Variants in KCNK6 observed in about 807,000 individuals in gnomAD.
KCNK6 encodes the protein potassium channel subfamily K member 6.
In KCNK6, 20 loss-of-function variants were observed where a neutral mutation model predicts 21.9. The observed-to-expected ratio is 0.91, with a 90% confidence interval of 0.64 to 1.32. KCNK6 has a LOEUF of 1.32. Ranked by LOEUF, KCNK6 falls within the 40% of genes most tolerant of loss-of-function variation. The pLI, the probability that KCNK6 is intolerant of heterozygous loss-of-function variation, is 0.00. For missense variants in KCNK6, 415 were observed against 433.1 expected (o/e 0.96, Z 0.37); for synonymous variants, 210 against 218.0 (o/e 0.96, Z 0.32).
chr19:38,323,249 C>T (rs1433996268), intron 1 of KCNK6, among the ~76,000 whole-genome samples: 3 of 152,198 alleles, frequency 2.0e-5, no homozygotes, highest in African/African-American at 7.2e-5. Flanking sequence ...AGGAGGGAGT[C>T]TTTGTCCGTG....
chr19:38,326,546 T>C, intron 1 of KCNK6, 47 bp from the exon 2 acceptor site: 2 of 1,540,286 alleles, frequency 1.3e-6, no homozygotes, highest in African/African-American at 1.4e-5. Flanking sequence ...GTGACCCCCA[T>C]CTCTAAAAAG....
chr19:38,326,779 G>A lies in KCNK6; in HGVS notation c.509G>A (p.Cys170Tyr), dbSNP rs778316484. Residue 170 changes from cysteine to tyrosine, a missense_variant, in exon 2 of 3, where the codon TGC becomes TAC. Cys to Tyr is a radical substitution (Grantham distance 194, BLOSUM62 -2). Transcript: ENST00000263372. ...GGCTGGGACCCCCGGCGGGCGGCCT[G>A]CTGGCACTTGGTGGCCCTGTTGGGG... ...RWGWDPRRAACWHLVALLGVV... is the reference protein window; with the variant it reads ...RWGWDPRRAAYWHLVALLGVV... The A allele has an allele frequency of 1.1e-5, 17 of 1,605,092 alleles. No homozygotes were observed. The East Asian group carries it at 3.3e-4, about 32-fold the overall frequency.
At chr19:38,325,596 T>TCTG (rs1177684133) in intron 1 of KCNK6, 1 of 950,556 alleles carries the variant, frequency 1.1e-6, no homozygotes, top group African/African-American at 1.8e-5. Flanking sequence ...TAGAGCATGC[T>TCTG]AGAAGGTGTT....
intron 1 of KCNK6, chr19:38,325,480 T>A: frequency 1.0e-6 from 1 of 985,412 alleles, no homozygotes; most frequent in African/African-American, 1.7e-5. Flanking sequence ...CCTGCACCCT[T>A]CATTCTTTGT....
rs1217258009 is a variant in KCNK6 at position 38,327,720 on chromosome 19, A to C, written c.*317A>C. ...TTCCCTCTTGCTGTCTCTGTTTCTC[A>C]TTCTCTTTCATGTTCCGTCTGTGTC... is the stretch of plus-strand genomic sequence containing the variant. On this transcript the variant is annotated 3_prime_UTR_variant, in exon 3 of 3. Coordinates refer to ENST00000263372, the MANE Select transcript of KCNK6 (RefSeq NM_004823.3). 1 of 396,136 alleles carries C rather than the reference A, an allele frequency of 2.5e-6. No individual in the cohort carries two copies. Among genetic ancestry groups the C allele is most frequent in the Non-Finnish European group, 4.7e-6 (1 of 213,308 alleles). 24.5% of individuals were successfully genotyped at this position (396,136 alleles called of 1,614,324 possible).
Position 38,326,959 on chromosome 19 carries a change from A to T in KCNK6, c.689A>T (p.Tyr230Phe). 3 of 1,605,426 alleles carry T rather than the reference A, an allele frequency of 1.9e-6. No homozygotes were observed. The highest frequency in any genetic ancestry group is 1.1e-5 in the South Asian group (1 of 91,038). The change falls in exon 2 of 3, where the codon TAC becomes TTC. Residue 230 changes from tyrosine (Y) to phenylalanine (F), a missense_variant. By Grantham distance (22) the Tyr-to-Phe change is conservative (BLOSUM62 3). Coordinates refer to ENST00000263372, the MANE Select transcript of KCNK6 (RefSeq NM_004823.3). ...YVPGEAPGQP[Y>F]RALYKVLVTV... ...CCCGGGGAGGCCCCTGGCCAGCCCT[A>T]CCGGGCCCTCTACAAGGTGCTGGTC...
intron 1 of KCNK6, among the ~76,000 whole-genome samples, chr19:38,326,251 C>A (rs1455675850): frequency 6.6e-6 from 1 of 152,026 alleles, no homozygotes; most frequent in African/African-American, 2.4e-5. Flanking sequence ...GTTGAGTGGG[C>A]AGGAGGGTTT....
At chr19:38,323,381 C>T (rs1256883961) in intron 1 of KCNK6, among the ~76,000 whole-genome samples, 2 of 152,220 alleles carry the variant, frequency 1.3e-5, no homozygotes, top group African/African-American at 4.8e-5. Flanking sequence ...GAGACCTCTT[C>T]CCACAATGCC....
Position 38,324,101 on chromosome 19 carries a change from A to T in KCNK6, c.323-2492A>T, listed in dbSNP as rs114057885. On this transcript the variant is annotated intron_variant, in intron 1 of 2. Coordinates refer to ENST00000263372, the MANE Select transcript of KCNK6 (RefSeq NM_004823.3). ...TATAAAGATCTCTTTTATTATTATT[A>T]TTTTTTTTTACAGAGATAGGGTCTT... Among the ~76,000 whole-genome samples, 476 of 149,318 alleles carry T rather than the reference A, an allele frequency of 3.2e-3. 5 individuals carry two copies. The highest frequency in any genetic ancestry group is 0.01 in the African/African-American group (408 of 40,576).
chr19:38,326,669 C>G lies in KCNK6; in HGVS notation c.399C>G (p.Thr133=). The change falls in exon 2 of 3, where the codon ACC becomes ACG. Residue 133 remains threonine (T), a synonymous_variant. Coordinates refer to ENST00000263372, the MANE Select transcript of KCNK6 (RefSeq NM_004823.3). ...CCTTTGCGCTCCTGGGCGTGCCGAC[C>G]ACCATGCTGCTGCTGACCGCCTCAG... ...SIAFALLGVP[T]TMLLLTASAQ... is the part of the protein sequence containing the mutation. The G allele has an allele frequency of 6.2e-7, 1 of 1,608,292 alleles. No individual in the cohort carries two copies. The highest frequency in any genetic ancestry group is 8.5e-7 in the Non-Finnish European group (1 of 1,179,974).
At chr19:38,320,747 C>G (rs1297974880) in intron 1 of KCNK6, among the ~76,000 whole-genome samples, 6 of 151,986 alleles carry the variant, frequency 3.9e-5, no homozygotes. Flanking sequence ...TCAGTGGAGA[C>G]GGAGTTTCAC....
At chr19:38,321,492 C>T (rs1054859210) in intron 1 of KCNK6, among the ~76,000 whole-genome samples, 2 of 152,258 alleles carry the variant, frequency 1.3e-5, no homozygotes, top group Admixed American at 6.5e-5. Flanking sequence ...AAGGACCCAC[C>T]GTGGAGGGAC....
intron 1 of KCNK6, among the ~76,000 whole-genome samples, chr19:38,326,180 AG>A (rs1237585150): frequency 6.6e-6 from 1 of 152,094 alleles, no homozygotes; most frequent in Non-Finnish European, 1.5e-5. Context: ...ATGTGGGGAG[AG>A]GCAGGTTTGG....
At chr19:38,325,733 T>C (rs1969700498) in intron 1 of KCNK6, among the ~76,000 whole-genome samples, 1 of 152,126 alleles carries the variant, frequency 6.6e-6, no homozygotes, top group Non-Finnish European at 1.5e-5. Flanking sequence ...GGAGCATTCT[T>C]TGGGGAAGGA....
rs1600419018 is a variant in KCNK6 at position 38,319,977 on chromosome 19, C to T, written c.27C>T (p.Gly9=). The T allele has an allele frequency of 2.0e-6, 3 of 1,464,796 alleles. No individual in the cohort carries two copies. The highest frequency in any genetic ancestry group is 2.7e-6 in the Non-Finnish European group (3 of 1,119,040). The allele number at this position is 1,464,796 out of a possible 1,614,324, so 90.7% of individuals were successfully genotyped here. Reference sequence around the variant, plus strand: ...TGCGGAGGGGCGCGCTTCTGGCGGGCGCCTTGGCCGCGTACGCCGCGTACC... The same window carrying T: ...TGCGGAGGGGCGCGCTTCTGGCGGGTGCCTTGGCCGCGTACGCCGCGTACC... MRRGALLA[G]ALAAYAAYLV... The change falls in exon 1 of 3, where the codon GGC becomes GGT. Residue 9 remains glycine, a synonymous_variant. Coordinates refer to ENST00000263372, the MANE Select transcript of KCNK6 (RefSeq NM_004823.3).
At position 38,327,231 on chromosome 19, in the gene KCNK6, G is replaced by A. The variant is rs772429825; in HGVS notation, c.770G>A (p.Arg257His). 4.3e-6 allele frequency: 7 copies of A among 1,613,302 alleles called. No homozygotes were observed. Among genetic ancestry groups the A allele is most frequent in the Middle Eastern group, 1.6e-4 (1 of 6,084 alleles). ...ATGGTGCTGGTGCTGCAGACCTTCC[G>A]CCACGTGTCCGACCTCCACGGCCTC... ...VAMVLVLQTF[R>H]HVSDLHGLTE... is the part of the protein sequence containing the mutation. The change falls in exon 3 of 3, where the codon CGC (arginine) becomes CAC (histidine). Residue 257 changes from arginine (R) to histidine (H), a missense_variant. By Grantham distance (29) the Arg-to-His change is conservative (BLOSUM62 0). Transcript: ENST00000263372.
At chr19:38,323,457 G>A (rs1408493009) in intron 1 of KCNK6, among the ~76,000 whole-genome samples, 2 of 152,248 alleles carry the variant, frequency 1.3e-5, no homozygotes, top group African/African-American at 4.8e-5. Context: ...CTGCACTTGA[G>A]GCAGGAGGAA....
rs1969710936 is a variant in KCNK6, at chr19:38,326,665, C to CGACCACCATGCTGCTGCT, written c.400_417dup (p.Thr134_Thr139dup). ...ATCGCCTTTGCGCTCCTGGGCGTGC[C>CGACCACCATGCTGCTGCT]GACCACCATGCTGCTGCTGACCGCC... On this transcript the variant is annotated inframe_insertion, in exon 2 of 3. Transcript: ENST00000263372. The CGACCACCATGCTGCTGCT allele has an allele frequency of 1.2e-6, 2 of 1,608,700 alleles. No homozygotes were observed.
At position 38,330,659 on chromosome 19, in the gene KCNK6, G is replaced by C. The variant is rs973528875; in HGVS notation, c.*3256G>C. 2 of 148,296 alleles carry C rather than the reference G, an allele frequency of 1.3e-5. No individual in the cohort carries two copies. The highest frequency in any genetic ancestry group is 1.4e-4 in the Admixed American group (2 of 14,702). The allele number at this position is 148,296 out of a possible 1,614,324, so 9.2% of individuals were successfully genotyped here. A position where few individuals can be genotyped will look rare whatever the true frequency, so the allele number is the denominator to read the frequency against. On this transcript the variant is annotated 3_prime_UTR_variant, in exon 3 of 3. Coordinates refer to ENST00000263372, the MANE Select transcript of KCNK6 (RefSeq NM_004823.3). ...AAAAAAAAGAAAAGAAAAAGAAAAA[G>C]AAAAAGAAAATATGTATATTGGATA...
Sources: gnomAD v4.1 joint callset for allele counts (sites outside exome capture counted in the v4.1 genomes callset) on GRCh38, gnomAD v4.1.1 for gene constraint, MANE v1.5 for transcripts, NCBI Gene and HGNC (gene_info 2026-07-23, HGNC 2026-07-21) for gene names.